The following LSAMP variants were observed in gnomAD, a reference collection of about 807,000 sequenced individuals.
LSAMP encodes limbic system associated membrane protein, also known as limbic system-associated membrane protein.
A neutral mutation model predicts 38.6 loss-of-function variants in LSAMP; 7 were observed. The ratio of observed to expected loss-of-function variants is 0.18; its 90% CI spans 0.10 to 0.34. The LOEUF (loss-of-function observed/expected upper bound fraction) is 0.34. Ranked by LOEUF, LSAMP falls within the 10% of genes least tolerant of loss-of-function variation. LSAMP has a pLI of 1.00. For missense variants in LSAMP, 313 were observed against 420.0 expected (o/e 0.75, Z 2.23); for synonymous variants, 154 against 166.8 (o/e 0.92, Z 0.59).
chr3:116,204,281 A>G (rs1236015689), intron 1 of LSAMP, among the ~76,000 whole-genome samples: 1 of 150,236 alleles, frequency 6.7e-6, no homozygotes, highest in Admixed American at 6.6e-5. Context: ...GTTTGAGTTC[A>G]TTGTAGATTC....
At chr3:116,286,674 A>G (rs747586110) in intron 1 of LSAMP, among the ~76,000 whole-genome samples, 3 of 152,156 alleles carry the variant, frequency 2.0e-5, no homozygotes, top group Admixed American at 6.5e-5. Context: ...AACTGGTATC[A>G]CATTTTTCCA....
intron 3 of LSAMP, among the ~76,000 whole-genome samples, chr3:115,942,291 T>C (rs372468389): frequency 2.4e-3 from 364 of 152,286 alleles, no homozygotes; most frequent in African/African-American, 8.5e-3. Context: ...CCTTGCTGAT[T>C]TCTCCTTTAT....
At chr3:116,110,689 C>T (rs1038101148) in intron 1 of LSAMP, among the ~76,000 whole-genome samples, 1 of 152,102 alleles carries the variant, frequency 6.6e-6, no homozygotes, top group African/African-American at 2.4e-5. Context: ...TTGGGCTGGT[C>T]GGTCTGAGGA....
intron 1 of LSAMP, among the ~76,000 whole-genome samples, chr3:116,344,318 G>T (rs1399988460): frequency 6.6e-6 from 1 of 152,018 alleles, no homozygotes; most frequent in Non-Finnish European, 1.5e-5. Flanking sequence ...AAATAACCCA[G>T]AAATCCGTTA....
At chr3:115,852,365 G>T in intron 4 of LSAMP, 118 bp downstream of exon 4, 1 of 1,238,704 alleles carries the variant, frequency 8.1e-7, no homozygotes. Context: ...GTGCATTCCT[G>T]GCCAGAGGAG....
chr3:115,900,452 G>A (rs1691617844), intron 3 of LSAMP, among the ~76,000 whole-genome samples: 1 of 148,262 alleles, frequency 6.7e-6, no homozygotes, highest in African/African-American at 2.5e-5. Flanking sequence ...GGAGGCGGAG[G>A]TTGCAGTGAG....
At chr3:115,863,864 C>G (rs764056803) in intron 3 of LSAMP, among the ~76,000 whole-genome samples, 1 of 151,950 alleles carries the variant, frequency 6.6e-6, no homozygotes, top group African/African-American at 2.4e-5. Context: ...AAAATCTCTA[C>G]GATTTTTCTA....
At chr3:116,152,689 T>C (rs1709639314) in intron 1 of LSAMP, among the ~76,000 whole-genome samples, 1 of 152,094 alleles carries the variant, frequency 6.6e-6, no homozygotes, top group Non-Finnish European at 1.5e-5. Context: ...TAAATTCTTA[T>C]GGCAGTAATT....
In LSAMP at chr3:116,170,594, C is replaced by T. The variant is rs552086385; in HGVS notation, c.156-84038G>A. On this transcript the variant is annotated intron_variant, in intron 1 of 6. Transcript: ENST00000490035. ...GACATTACTTGCTATACGATTGTGG[C>T]GAATTAGTTAACTTTTCTAACCCTC... 2.0e-4 allele frequency among the ~76,000 whole-genome samples: 30 copies of T among 152,014 alleles called. No homozygotes were observed. The South Asian group carries it at 2.3e-3, about 12-fold the overall frequency.
chr3:116,030,146 A>T (rs571992242), intron 2 of LSAMP, among the ~76,000 whole-genome samples: 10 of 152,258 alleles, frequency 6.6e-5, no homozygotes, highest in Non-Finnish European at 1.5e-4. Context: ...CCTAAAATCA[A>T]GGTATATTAA....
chr3:116,277,162 A>C (rs193139432), intron 1 of LSAMP, among the ~76,000 whole-genome samples: 1 of 152,218 alleles, frequency 6.6e-6, no homozygotes, highest in Non-Finnish European at 1.5e-5. Flanking sequence ...CTCTGTAAAA[A>C]TAAATTAATT....
In LSAMP at chr3:116,425,962, G is replaced by C. The variant is rs547658748; in HGVS notation, c.155+18915C>G. 3.1e-4 allele frequency among the ~76,000 whole-genome samples: 47 copies of C among 152,024 alleles called. 1 individual carries two copies. The highest frequency in any genetic ancestry group is 2.9e-3 in the Admixed American group (45 of 15,276). Reference sequence around the variant, plus strand: ...ACAAAAAGAGAGGGTGAGTATGAGAGAGAGATACTTTAAGACCTGATGGTG... The same window carrying C: ...ACAAAAAGAGAGGGTGAGTATGAGACAGAGATACTTTAAGACCTGATGGTG... On this transcript the variant is annotated intron_variant, in intron 1 of 6. Coordinates refer to ENST00000490035, the MANE Select transcript of LSAMP (RefSeq NM_002338.5).
intron 1 of LSAMP, among the ~76,000 whole-genome samples, chr3:116,155,355 G>T (rs1471021206): frequency 6.6e-6 from 1 of 151,940 alleles, no homozygotes; most frequent in Non-Finnish European, 1.5e-5. Flanking sequence ...CTCCCAAGAA[G>T]TTGGGGTTAC....
chr3:115,979,015 A>G (rs1328241489), intron 3 of LSAMP, among the ~76,000 whole-genome samples: 1 of 152,194 alleles, frequency 6.6e-6, no homozygotes, highest in East Asian at 1.9e-4. Flanking sequence ...ACAGAAAAAA[A>G]ATCAATAAAA....
At chr3:116,013,268 C>A (rs983439957) in intron 3 of LSAMP, among the ~76,000 whole-genome samples, 1 of 152,122 alleles carries the variant, frequency 6.6e-6, no homozygotes, top group South Asian at 2.1e-4. Context: ...TAAAGGCTGA[C>A]CATGTCAGTT....
intron 3 of LSAMP, among the ~76,000 whole-genome samples, chr3:115,962,577 G>A (rs1938664397): frequency 6.6e-6 from 1 of 152,182 alleles, no homozygotes; most frequent in African/African-American, 2.4e-5. Flanking sequence ...GCTCAAGAGG[G>A]TTGTGAGAGA....
rs1409187800 is a variant in LSAMP, at chr3:115,802,512, T to G, written c.*7805A>C. The G allele has an allele frequency of 2.8e-5, 4 of 144,430 alleles. No homozygotes were observed. The highest frequency in any genetic ancestry group is 6.8e-5 in the Admixed American group (1 of 14,608). The allele number at this position is 144,430 out of a possible 1,614,324, so 8.9% of individuals were successfully genotyped here. A position where few individuals can be genotyped will look rare whatever the true frequency, so the allele number is the denominator to read the frequency against. Reference sequence around the variant, plus strand: ...AAAAGAAAAGAAAAAAAGCTTTTTTTCATTTTAATTTTAATTTTTTTTTTT... The same window carrying G: ...AAAAGAAAAGAAAAAAAGCTTTTTTGCATTTTAATTTTAATTTTTTTTTTT... On this transcript the variant is annotated 3_prime_UTR_variant, in exon 7 of 7. Coordinates refer to ENST00000490035, the MANE Select transcript of LSAMP (RefSeq NM_002338.5).
chr3:116,373,776 G>T (rs78902886), intron 1 of LSAMP, among the ~76,000 whole-genome samples: 395 of 151,950 alleles, frequency 2.6e-3, no homozygotes, highest in Non-Finnish European at 4.6e-3. Flanking sequence ...AGAAAAAAGG[G>T]ATTCCAGTAG....
intron 1 of LSAMP, among the ~76,000 whole-genome samples, chr3:116,355,310 C>T (rs920255152): frequency 2.0e-4 from 31 of 152,082 alleles, no homozygotes; most frequent in African/African-American, 7.5e-4. Flanking sequence ...ATTTATTTGA[C>T]AAAAGTGCAA....
Sources: gnomAD v4.1 joint callset for allele counts (sites outside exome capture counted in the v4.1 genomes callset) on GRCh38, gnomAD v4.1.1 for gene constraint, MANE v1.5 for transcripts, NCBI Gene and HGNC (gene_info 2026-07-23, HGNC 2026-07-21) for gene names.